Variants in CSMD1 observed in about 807,000 individuals in gnomAD.
The protein encoded by CSMD1 is CUB and Sushi multiple domains 1.
A neutral mutation model predicts 417.5 loss-of-function variants in CSMD1; 213 were observed. The observed-to-expected ratio is 0.51, with a 90% CI of 0.46 to 0.57. The LOEUF (loss-of-function observed/expected upper bound fraction) is 0.57, where lower values mean the gene tolerates loss of function less well. Among genes scored for constraint, CSMD1 ranks in the 20% least tolerant of loss-of-function variants. CSMD1 has a pLI of 0.00. For missense variants in CSMD1, 6,923 were observed against 4,529.7 expected, an observed-to-expected ratio of 1.53 and a Z score of -15.17; for synonymous variants, 2,862 against 1,736.8, an observed-to-expected ratio of 1.65 and a Z score of -16.11.
intron 26 of CSMD1, among the ~76,000 whole-genome samples, chr8:3,274,824 G>A (rs561709470): frequency 6.6e-6 from 1 of 151,992 alleles, no homozygotes; most frequent in Non-Finnish European, 1.5e-5. Context: ...ATGTGTGTCT[G>A]TACCCGTGAG....
chr8:2,982,855 A>C (rs939313477), intron 54 of CSMD1, among the ~76,000 whole-genome samples: 2 of 152,128 alleles, frequency 1.3e-5, no homozygotes, highest in Non-Finnish European at 2.9e-5. Flanking sequence ...CCAGCTGTTG[A>C]TCAATAGAAA....
intron 4 of CSMD1, among the ~76,000 whole-genome samples, chr8:4,031,562 G>T (rs80130644): frequency 6.6e-6 from 1 of 152,076 alleles, no homozygotes; most frequent in African/African-American, 2.4e-5. Flanking sequence ...ATGAGGTTTG[G>T]GTGAGGACAG....
At chr8:4,173,846 C>T (rs1797895886) in intron 3 of CSMD1, among the ~76,000 whole-genome samples, 1 of 152,246 alleles carries the variant, frequency 6.6e-6, no homozygotes, top group Non-Finnish European at 1.5e-5. Flanking sequence ...TTCTTCCCTA[C>T]TTCTTGGGAA....
intron 7 of CSMD1, among the ~76,000 whole-genome samples, chr8:3,675,110 T>C (rs796499243): frequency 7.9e-5 from 12 of 152,290 alleles, no homozygotes; most frequent in Admixed American, 3.3e-4. Flanking sequence ...AGAGATGCAG[T>C]GGCCTCCCCT....
intron 7 of CSMD1, among the ~76,000 whole-genome samples, chr8:3,664,903 C>T (rs1798604880): frequency 6.6e-6 from 1 of 152,238 alleles, no homozygotes; most frequent in South Asian, 2.1e-4. Context: ...CCAAAAAATA[C>T]ATCACAATTT....
chr8:3,656,438 G>C (rs1474194027), intron 7 of CSMD1, among the ~76,000 whole-genome samples: 3 of 151,860 alleles, frequency 2.0e-5, no homozygotes, highest in East Asian at 1.9e-4. Flanking sequence ...TCTTATCTTT[G>C]TGAGAGTGAA....
chr8:3,482,931 G>A (rs1356866436), intron 11 of CSMD1, among the ~76,000 whole-genome samples: 1 of 152,126 alleles, frequency 6.6e-6, no homozygotes, highest in South Asian at 2.1e-4. Context: ...ATAGAATGAA[G>A]TTAAAATAAA....
chr8:3,092,943 G>A (rs1160644860), intron 47 of CSMD1, among the ~76,000 whole-genome samples: 1 of 152,168 alleles, frequency 6.6e-6, no homozygotes, highest in Non-Finnish European at 1.5e-5. Flanking sequence ...TAAAGTGACA[G>A]CTGTCTTTGT....
intron 12 of CSMD1, among the ~76,000 whole-genome samples, chr8:3,411,455 T>G (rs558744176): frequency 6.7e-4 from 102 of 151,966 alleles, no homozygotes; most frequent in Middle Eastern, 6.8e-3. Context: ...TTCACACCCT[T>G]TCCCCGAGTC....
At chr8:3,962,353 G>C (rs1454113139) in intron 5 of CSMD1, among the ~76,000 whole-genome samples, 2 of 152,158 alleles carry the variant, frequency 1.3e-5, no homozygotes, top group Non-Finnish European at 2.9e-5. Flanking sequence ...CCCAAGTACA[G>C]TGCACTAGAG....
At chr8:3,932,025 G>A (rs2554659) in intron 5 of CSMD1, among the ~76,000 whole-genome samples, 61,131 of 149,498 alleles carry the variant, frequency 0.41, 14,331 homozygotes, top group East Asian at 0.49. Context: ...CAATAATTTT[G>A]TGACTTCAGT....
chr8:3,626,490 A>C (rs1249574015), intron 7 of CSMD1, among the ~76,000 whole-genome samples: 1 of 152,148 alleles, frequency 6.6e-6, no homozygotes, highest in Non-Finnish European at 1.5e-5. Context: ...TATATATTTT[A>C]GAAACATATA....
chr8:2,942,702 G>C lies in CSMD1; in HGVS notation c.10403-98C>G, dbSNP rs551235452. 4.3e-5 allele frequency: 40 copies of C among 921,884 alleles called. No individual in the cohort carries two copies. In the African/African-American group the frequency reaches 4.9e-4, roughly 11 times the overall value. The allele number at this position is 921,884 out of a possible 1,614,324, so 57.1% of individuals were successfully genotyped here. ...TAAATGGATACGAACTCTTCAAGAA[G>C]CAGACGGAGTTGCCATTTCACAGGA... On this transcript the variant is annotated intron_variant, in intron 68 of 69. Coordinates refer to ENST00000635120, the MANE Select transcript of CSMD1 (RefSeq NM_033225.6).
At chr8:3,524,338 C>A (rs566723837) in intron 10 of CSMD1, among the ~76,000 whole-genome samples, 1 of 151,848 alleles carries the variant, frequency 6.6e-6, no homozygotes, top group Non-Finnish European at 1.5e-5. Context: ...TGCACACACA[C>A]ATGCACACCC....
At chr8:3,112,322 C>G (rs1816567189) in intron 42 of CSMD1, among the ~76,000 whole-genome samples, 1 of 152,154 alleles carries the variant, frequency 6.6e-6, no homozygotes, top group African/African-American at 2.4e-5. Context: ...CTAAGGTTTC[C>G]CTTTTGCATT....
At chr8:4,465,563 G>C (rs1037007578) in intron 2 of CSMD1, among the ~76,000 whole-genome samples, 2 of 152,106 alleles carry the variant, frequency 1.3e-5, no homozygotes, top group East Asian at 1.9e-4. Flanking sequence ...GTCAAGTAAA[G>C]CAATGCCTGT....
chr8:3,681,254 T>C (rs60509256), intron 7 of CSMD1, among the ~76,000 whole-genome samples: 223 of 152,338 alleles, frequency 1.5e-3, no homozygotes, highest in East Asian at 9.6e-3. Flanking sequence ...AAATCGTCCC[T>C]CTTTGCAGAT....
Position 3,359,341 on chromosome 8 carries a change from C to G in CSMD1, c.3116-1G>C. 6.2e-7 allele frequency: 1 copy of G among 1,611,642 alleles called. No individual in the cohort carries two copies. Among genetic ancestry groups the G allele is most frequent in the Non-Finnish European group, 8.5e-7 (1 of 1,179,076 alleles). ...TCATCACATGGCTCCAGGTCATATT[C>G]TGAGGCATGCAGAGACAGAGTAAAT... On this transcript the variant is annotated splice_acceptor_variant, in intron 20 of 69. Transcript: ENST00000635120. LOFTEE classifies it high-confidence loss of function.
intron 2 of CSMD1, among the ~76,000 whole-genome samples, chr8:4,594,034 TG>T (rs1280103624): frequency 1.3e-5 from 2 of 152,138 alleles, no homozygotes; most frequent in East Asian, 3.9e-4. Flanking sequence ...TGGTGCTCCT[TG>T]GCTGGAAGAA....
Sources: allele counts gnomAD v4.1 joint callset (sites outside exome capture counted in the v4.1 genomes callset), GRCh38; gene constraint gnomAD v4.1.1; transcripts MANE v1.5; gene names NCBI Gene and HGNC (gene_info 2026-07-23, HGNC 2026-07-21).